PXDNL: variants seen among roughly 807,000 people sequenced by gnomAD.
PXDNL encodes the protein peroxidasin like, also known as probable oxidoreductase PXDNL.
Under a neutral mutation model 150.8 loss-of-function variants are expected in PXDNL, and 145 were observed. The ratio of observed to expected loss-of-function variants is 0.96; its 90% CI spans 0.84 to 1.10. The LOEUF (loss-of-function observed/expected upper bound fraction) is 1.10. PXDNL is among the 50% of genes least tolerant of loss of function. The pLI, the probability that PXDNL is intolerant of heterozygous loss-of-function variation, is 0.00. For missense variants in PXDNL, 2,087 were observed against 1,873.9 expected, an observed-to-expected ratio of 1.11 and a Z score of -2.10; for synonymous variants, 757 against 725.7, an observed-to-expected ratio of 1.04 and a Z score of -0.69.
intron 4 of PXDNL, among the ~76,000 whole-genome samples, chr8:51,536,872 AGAT>A (rs796851401): frequency 3.9e-5 from 6 of 152,352 alleles, no homozygotes; most frequent in African/African-American, 1.2e-4. Flanking sequence ...TAAGTTAAGA[AGAT>A]GACATTTTCA....
intron 19 of PXDNL, 24 bp downstream of exon 19, chr8:51,371,849 C>G (rs571712000): frequency 1.3e-6 from 2 of 1,565,854 alleles, no homozygotes; most frequent in Non-Finnish European, 1.8e-6. Context: ...CAATCCAGAT[C>G]GTGCTCATTG....
chr8:51,552,228 T>C (rs1812504346), intron 4 of PXDNL, among the ~76,000 whole-genome samples: 2 of 151,976 alleles, frequency 1.3e-5, no homozygotes, highest in Admixed American at 1.3e-4. Context: ...TTTACAATGC[T>C]GGTGGGGCAA....
intron 1 of PXDNL, among the ~76,000 whole-genome samples, chr8:51,726,250 C>A (rs1816815287): frequency 6.6e-6 from 1 of 152,170 alleles, no homozygotes; most frequent in Non-Finnish European, 1.5e-5. Context: ...CCTCTGGCGC[C>A]CCAGGTAGAG....
At chr8:51,382,336 ATTCCAGAC>A (rs2130814236) in intron 17 of PXDNL, among the ~76,000 whole-genome samples, 1 of 152,280 alleles carries the variant, frequency 6.6e-6, no homozygotes, top group East Asian at 1.9e-4. Flanking sequence ...TGACACCTTG[ATTCCAGAC>A]TTCCAGACTC....
chr8:51,365,117 T>C (rs1270285230), intron 19 of PXDNL, among the ~76,000 whole-genome samples: 1 of 152,090 alleles, frequency 6.6e-6, no homozygotes, highest in Non-Finnish European at 1.5e-5. Context: ...TTTGTACTTT[T>C]AGTAGAGATG....
At chr8:51,792,658 C>G (rs2037524135) in intron 1 of PXDNL, among the ~76,000 whole-genome samples, 1 of 152,144 alleles carries the variant, frequency 6.6e-6, no homozygotes, top group African/African-American at 2.4e-5. Context: ...GCTGGGGAGA[C>G]TGGATGGTTT....
intron 4 of PXDNL, among the ~76,000 whole-genome samples, chr8:51,522,230 T>A (rs1484143507): frequency 6.6e-6 from 1 of 152,228 alleles, no homozygotes; most frequent in Non-Finnish European, 1.5e-5. Flanking sequence ...TTCTAAGTGA[T>A]GTTTTTCAGA....
At chr8:51,541,547 A>G (rs969010117) in intron 4 of PXDNL, among the ~76,000 whole-genome samples, 6 of 152,124 alleles carry the variant, frequency 3.9e-5, no homozygotes, top group African/African-American at 9.7e-5. Flanking sequence ...TCTAGCCACA[A>G]GTAGTTTCCT....
intron 1 of PXDNL, among the ~76,000 whole-genome samples, chr8:51,688,689 A>G (rs1815926241): frequency 6.6e-6 from 1 of 152,178 alleles, no homozygotes; most frequent in Admixed American, 6.5e-5. Flanking sequence ...TGCCACAACC[A>G]TATCTGTACA....
chr8:51,350,255 C>T (rs182069334), intron 19 of PXDNL, among the ~76,000 whole-genome samples: 4 of 151,410 alleles, frequency 2.6e-5, no homozygotes, highest in South Asian at 2.1e-4. Context: ...GATTGATTCG[C>T]ATAGGGCCCA....
intron 1 of PXDNL, among the ~76,000 whole-genome samples, chr8:51,775,511 C>A (rs1366199603): frequency 6.6e-6 from 1 of 152,160 alleles, no homozygotes; most frequent in African/African-American, 2.4e-5. Flanking sequence ...GAAGCCATGG[C>A]AGAAGAACAT....
At chr8:51,375,306 C>T (rs1345796443) in intron 17 of PXDNL, among the ~76,000 whole-genome samples, 2 of 152,094 alleles carry the variant, frequency 1.3e-5, no homozygotes, top group East Asian at 1.9e-4. Flanking sequence ...AAGCACAATG[C>T]AAATGTTGAT....
chr8:51,409,427 TGCCGTCGTGG>T lies in PXDNL; in HGVS notation c.2187_2196del (p.His730ArgfsTer14). 1 of 1,612,242 alleles carries T rather than the reference TGCCGTCGTGG, an allele frequency of 6.2e-7. No individual in the cohort carries two copies. On this transcript the variant is annotated frameshift_variant, in exon 17 of 23. Coordinates refer to ENST00000356297, the MANE Select transcript of PXDNL (RefSeq NM_144651.5). LOFTEE classifies it high-confidence loss of function. ...GTGGGCTGCTGCAGGTTGTTGCACG[TGCCGTCGTGG>T]GCGCGGTACTTCGCATGGAAACACC...
intron 4 of PXDNL, among the ~76,000 whole-genome samples, chr8:51,515,501 T>C (rs2979126): frequency 0.21 from 32,524 of 152,154 alleles, 4,009 homozygotes; most frequent in African/African-American, 0.34. Context: ...ACTGCGGATG[T>C]TTCTTTAGAT....
chr8:51,496,104 T>C (rs1811041448), intron 5 of PXDNL, among the ~76,000 whole-genome samples: 1 of 152,230 alleles, frequency 6.6e-6, no homozygotes, highest in African/African-American at 2.4e-5. Context: ...GCTTCATCCC[T>C]GGGATGCAAG....
At chr8:51,607,870 A>C (rs1813872257) in intron 2 of PXDNL, among the ~76,000 whole-genome samples, 1 of 115,856 alleles carries the variant, frequency 8.6e-6, no homozygotes. Flanking sequence ...GGAAGGAAGG[A>C]AGGAAGGAAG....
chr8:51,806,196 T>C (rs1585765009), intron 1 of PXDNL, among the ~76,000 whole-genome samples: 1 of 152,216 alleles, frequency 6.6e-6, no homozygotes, highest in East Asian at 1.9e-4. Flanking sequence ...ATCTATGATT[T>C]AGGAAAATAT....
intron 1 of PXDNL, among the ~76,000 whole-genome samples, chr8:51,777,729 C>A (rs1300942217): frequency 1.3e-5 from 2 of 152,074 alleles, no homozygotes; most frequent in Non-Finnish European, 2.9e-5. Context: ...ATGGCGAAAC[C>A]CTGTCTCTAC....
At chr8:51,350,655 G>A (rs1293496551) in intron 19 of PXDNL, among the ~76,000 whole-genome samples, 2 of 152,056 alleles carry the variant, frequency 1.3e-5, no homozygotes, top group Non-Finnish European at 2.9e-5. Flanking sequence ...GCGCCCAGCC[G>A]CAAATGCAGC....
Sources: allele counts gnomAD v4.1 joint callset (sites outside exome capture counted in the v4.1 genomes callset), GRCh38; gene constraint gnomAD v4.1.1; transcripts MANE v1.5; gene names NCBI Gene and HGNC (gene_info 2026-07-23, HGNC 2026-07-21).